Variants in KIF7 observed in about 807,000 individuals in gnomAD.
KIF7 encodes the protein kinesin family member 7, also known as kinesin-like protein KIF7.
KIF7 carries 104 observed loss-of-function variants against 135.7 expected under a neutral mutation model. That is an observed-to-expected ratio of 0.77 (90% CI 0.65 to 0.90). KIF7 has a LOEUF of 0.90. KIF7 is among the 40% of genes least tolerant of loss of function. The pLI is 0.00. For synonymous variants in KIF7, 883 were observed against 809.4 expected (o/e 1.09, Z -1.54); for missense variants, 2,005 against 1,839.1 (o/e 1.09, Z -1.65).
chr15:89,643,901 AAAAGAG>A (rs991505324), intron 10 of KIF7, among the ~76,000 whole-genome samples: 4 of 151,974 alleles, frequency 2.6e-5, no homozygotes, highest in Non-Finnish European at 4.4e-5. Flanking sequence ...AAAAAAAAAA[AAAAGAG>A]GACATTAGTT....
rs1408678062 is a variant in KIF7, at chr15:89,640,822, CT to C, written c.2394+1380del. Among the ~76,000 whole-genome samples the C allele has an allele frequency of 1.1e-4, 6 of 53,302 alleles. No homozygotes were observed. In the East Asian group the frequency reaches 2.3e-3, roughly 21 times the overall value. The allele number at this position is 53,302 out of a possible 152,430, so 35.0% of individuals were successfully genotyped here. A position where few individuals can be genotyped will look rare whatever the true frequency, so the allele number is the denominator to read the frequency against. On this transcript the variant is annotated intron_variant, in intron 11 of 18. Coordinates refer to ENST00000394412, the MANE Select transcript of KIF7 (RefSeq NM_198525.3). ...CCAACATGGTGAAACACTGTCTCTA[CT>C]TAAAAAAAAAAAAAAAAAGAAAAAA...
intron 11 of KIF7, among the ~76,000 whole-genome samples, chr15:89,641,045 GC>G (rs1963911077): frequency 6.6e-6 from 1 of 151,994 alleles, no homozygotes; most frequent in Non-Finnish European, 1.5e-5. Context: ...ACCGTGATGG[GC>G]TGAATTGTGT....
intron 1 of KIF7, among the ~76,000 whole-genome samples, chr15:89,621,095 C>T (rs1331571943): frequency 2.0e-5 from 3 of 152,004 alleles, no homozygotes; most frequent in African/African-American, 7.3e-5. Context: ...TGTCGTCTCA[C>T]TGCAACCTCC....
At chr15:89,635,055 C>A (rs981382842) in intron 11 of KIF7, among the ~76,000 whole-genome samples, 3 of 152,128 alleles carry the variant, frequency 2.0e-5, no homozygotes, top group African/African-American at 4.8e-5. Flanking sequence ...AGGCACCCCC[C>A]AGCAGGGGCA....
At chr15:89,623,692 C>T (rs753104156), downstream of KIF7, 9 of 1,614,044 alleles carry the variant, frequency 5.6e-6, no homozygotes, top group South Asian at 9.9e-5. Flanking sequence ...CTCTCATACA[C>T]CACAAACTCC....
intron 1 of KIF7, chr15:89,618,273 A>G (rs1193454928): frequency 6.9e-7 from 1 of 1,456,896 alleles, no homozygotes; most frequent in African/African-American, 1.4e-5. Flanking sequence ...ACCTTTCTGT[A>G]TGTATTGTTA....
chr15:89,622,934 A>G (rs1963450619), intron 1 of KIF7, among the ~76,000 whole-genome samples: 1 of 152,160 alleles, frequency 6.6e-6, no homozygotes, highest in Non-Finnish European at 1.5e-5. Flanking sequence ...CTGTCACTGC[A>G]CCAATCACAT....
intron 1 of KIF7, among the ~76,000 whole-genome samples, chr15:89,621,791 C>T (rs2141981844): frequency 6.6e-6 from 1 of 152,198 alleles, no homozygotes; most frequent in East Asian, 1.9e-4. Context: ...CTCATCTGTT[C>T]TCTTGGCTTT....
intron 2 of KIF7, among the ~76,000 whole-genome samples, chr15:89,617,390 T>G (rs971981936): frequency 2.6e-5 from 4 of 152,230 alleles, no homozygotes; most frequent in African/African-American, 2.4e-5. Flanking sequence ...AAACAGAAAC[T>G]TGAATGTTGC....
In KIF7 at chr15:89,628,961, GCGA is replaced by G. The variant is rs1275741543; in HGVS notation, c.3664+12_3664+14del. 6.2e-7 allele frequency: 1 copy of G among 1,613,744 alleles called. No homozygotes were observed. Among genetic ancestry groups the G allele is most frequent in the African/African-American group, 1.3e-5 (1 of 74,826 alleles). ...AAGGGAACAGGTCTGACTTCAGAGC[GCGA>G]CGAGGAGTTACCCCTGCTGTGGCCT... On this transcript the variant is annotated intron_variant, in intron 18 of 18. Transcript: ENST00000394412.
At position 89,642,425 on chromosome 15, in the gene KIF7, T is replaced by A; in HGVS notation, c.2192-20A>T. 1 of 1,563,524 alleles carries A rather than the reference T, an allele frequency of 6.4e-7. No individual in the cohort carries two copies. On this transcript the variant is annotated intron_variant, in intron 10 of 18. Transcript: ENST00000394412. ...CCTTTCCTGGAAGAAAGCGGGAATG[T>A]CAGCACAGGCAGCCCTGCTCCACCG... is the stretch of plus-strand genomic sequence containing the variant.
At chr15:89,631,961 T>A (rs1159322545) in intron 14 of KIF7, among the ~76,000 whole-genome samples, 1 of 152,128 alleles carries the variant, frequency 6.6e-6, no homozygotes, top group East Asian at 1.9e-4. Context: ...GACGTGGCCC[T>A]CCTGGCAAGA....
At chr15:89,622,811 C>T (rs1596059225) in intron 1 of KIF7, among the ~76,000 whole-genome samples, 1 of 152,208 alleles carries the variant, frequency 6.6e-6, no homozygotes, top group African/African-American at 2.4e-5. Flanking sequence ...CCGCCACCAC[C>T]CCACCCACTT....
intron 2 of KIF7, among the ~76,000 whole-genome samples, chr15:89,617,481 T>C (rs1363561621): frequency 6.6e-6 from 1 of 152,134 alleles, no homozygotes; most frequent in African/African-American, 2.4e-5. Flanking sequence ...TGTTGTAAAA[T>C]TGCTTTCCAA....
chr15:89,635,452 CT>C (rs1963785825), intron 11 of KIF7, among the ~76,000 whole-genome samples: 1 of 152,150 alleles, frequency 6.6e-6, no homozygotes, highest in Non-Finnish European at 1.5e-5. Flanking sequence ...GAATGTATAA[CT>C]AGAATAACCA....
At chr15:89,661,919 G>C in the KIF7 span, among the ~76,000 whole-genome samples, 2 of 152,104 alleles carry the variant, frequency 1.3e-5, no homozygotes, top group African/African-American at 4.8e-5. Context: ...ATTTTTAATA[G>C]AGATGGGGTT....
At chr15:89,650,792 C>G (rs1964111765) in intron 2 of KIF7, among the ~76,000 whole-genome samples, 1 of 151,024 alleles carries the variant, frequency 6.6e-6, no homozygotes, top group African/African-American at 2.4e-5. Flanking sequence ...CCAGGCTGGT[C>G]TCCCAACTCC....
intron 1 of KIF7, among the ~76,000 whole-genome samples, chr15:89,654,900 C>T (rs547430908): frequency 1.3e-5 from 2 of 152,386 alleles, no homozygotes; most frequent in South Asian, 2.1e-4. Context: ...TAAACTCTGC[C>T]TCGCAATACC....
chr15:89,627,617 G>A (rs1403196203), downstream of KIF7: 1 of 154,754 alleles, frequency 6.5e-6, no homozygotes, highest in Non-Finnish European at 1.4e-5. Context: ...GTACATTTTT[G>A]TTTAATGTTG....
Sources: allele counts gnomAD v4.1 joint callset (sites outside exome capture counted in the v4.1 genomes callset), GRCh38; gene constraint gnomAD v4.1.1; transcripts MANE v1.5; gene names NCBI Gene and HGNC (gene_info 2026-07-23, HGNC 2026-07-21).